ARID2: variants seen among roughly 807,000 people sequenced by gnomAD.
ARID2 encodes the protein AT-rich interactive domain-containing protein 2.
ARID2 carries 32 observed loss-of-function variants against 184.6 expected under a neutral mutation model. That is an observed-to-expected ratio of 0.17 (90% confidence interval 0.13 to 0.23). The LOEUF (loss-of-function observed/expected upper bound fraction) is 0.23, where lower values mean the gene tolerates loss of function less well. ARID2 is among the 10% of genes least tolerant of loss of function. The pLI, the probability that ARID2 is intolerant of heterozygous loss-of-function variation, is 1.00. For missense variants in ARID2, 1,696 were observed against 2,197.6 expected (o/e 0.77, Z 4.56); for synonymous variants, 836 against 772.6 (o/e 1.08, Z -1.36).
chr12:45,798,209 T>G (rs960939047), intron 3 of ARID2, among the ~76,000 whole-genome samples: 3 of 76,552 alleles, frequency 3.9e-5, no homozygotes, highest in East Asian at 4.2e-4. Context: ...TTTGAACGTG[T>G]TTTTTTTTTC....
At chr12:45,876,321 C>T (rs931207410) in intron 16 of ARID2, among the ~76,000 whole-genome samples, 4 of 151,512 alleles carry the variant, frequency 2.6e-5, no homozygotes, top group Non-Finnish European at 5.9e-5. Context: ...GAGGCCGAGG[C>T]GGGTGGATCA....
intron 5 of ARID2, among the ~76,000 whole-genome samples, chr12:45,820,492 A>G (rs1198216786): frequency 6.6e-6 from 1 of 152,214 alleles, no homozygotes; most frequent in Non-Finnish European, 1.5e-5. Context: ...ACGTCCAATA[A>G]GGAAGCTTAA....
chr12:45,875,868 G>C (rs1944001275), intron 16 of ARID2, among the ~76,000 whole-genome samples: 1 of 152,226 alleles, frequency 6.6e-6, no homozygotes, highest in Admixed American at 6.5e-5. Context: ...AGAATGTCTT[G>C]ACTGGTTTGA....
chr12:45,898,669 A>G (rs768608375), intron 20 of ARID2, among the ~76,000 whole-genome samples: 2 of 152,192 alleles, frequency 1.3e-5, no homozygotes, highest in African/African-American at 2.4e-5. Flanking sequence ...TAATCCCGGC[A>G]CTTTGGGAGG....
At chr12:45,834,182 A>T (rs978783788) in intron 6 of ARID2, among the ~76,000 whole-genome samples, 36 of 152,100 alleles carry the variant, frequency 2.4e-4, no homozygotes, top group Admixed American at 6.5e-5. Flanking sequence ...TTTTGGTAGG[A>T]TGACTACTCC....
chr12:45,791,204 CTG>C (rs143314237), intron 3 of ARID2, among the ~76,000 whole-genome samples: 41,913 of 146,988 alleles, frequency 0.29, 6,479 homozygotes, highest in African/African-American at 0.44. Context: ...AGCACATTTT[CTG>C]TGTGTGTGTG....
intron 15 of ARID2, among the ~76,000 whole-genome samples, chr12:45,856,896 C>G (rs1390108644): frequency 6.6e-6 from 1 of 152,102 alleles, no homozygotes; most frequent in Non-Finnish European, 1.5e-5. Context: ...GTAATACTTG[C>G]AAGTTGAAGC....
chr12:45,769,487 T>C (rs1318794581), intron 3 of ARID2, among the ~76,000 whole-genome samples: 1 of 152,152 alleles, frequency 6.6e-6, no homozygotes, highest in Admixed American at 6.5e-5. Context: ...CAACAGAGAT[T>C]ATGCAGTGTG....
chr12:45,777,151 A>G (rs1397627732), intron 3 of ARID2, among the ~76,000 whole-genome samples: 1 of 151,998 alleles, frequency 6.6e-6, no homozygotes, highest in East Asian at 1.9e-4. Context: ...AAAAATGGAA[A>G]TTAGGATGAT....
At chr12:45,806,608 G>A (rs536762033) in intron 3 of ARID2, among the ~76,000 whole-genome samples, 8 of 151,928 alleles carry the variant, frequency 5.3e-5, no homozygotes, top group African/African-American at 1.7e-4. Flanking sequence ...GTACATTACC[G>A]ATGTGATCTA....
chr12:45,797,700 G>A (rs570324681), intron 3 of ARID2, among the ~76,000 whole-genome samples: 1 of 151,828 alleles, frequency 6.6e-6, no homozygotes, highest in African/African-American at 2.4e-5. Context: ...AATTTGCTTA[G>A]TATGGCATGA....
intron 3 of ARID2, among the ~76,000 whole-genome samples, chr12:45,788,122 G>T (rs956126918): frequency 6.6e-6 from 1 of 152,052 alleles, no homozygotes; most frequent in African/African-American, 2.4e-5. Context: ...ACATTTAAAC[G>T]TAGAACTTTA....
At chr12:45,890,967 C>T (rs2138230352) in intron 16 of ARID2, among the ~76,000 whole-genome samples, 1 of 152,124 alleles carries the variant, frequency 6.6e-6, no homozygotes, top group African/African-American at 2.4e-5. Context: ...GAATTCGAGA[C>T]CAGCCTGGCC....
At chr12:45,894,256 G>A (rs1192992633) in intron 20 of ARID2, among the ~76,000 whole-genome samples, 3 of 152,186 alleles carry the variant, frequency 2.0e-5, no homozygotes, top group African/African-American at 4.8e-5. Context: ...AGCAAATATA[G>A]AATATTCTGT....
At position 45,821,506 on chromosome 12, in the gene ARID2, A is replaced by G. The variant is rs376927535; in HGVS notation, c.705+19A>G. On this transcript the variant is annotated intron_variant, in intron 6 of 20. Transcript: ENST00000334344. ...CGTTAAGGTAAATCATTTTAATTAA[A>G]ATGTTGATTCATTGAGTTACATGCA... is the stretch of plus-strand genomic sequence containing the variant. 1.0e-5 allele frequency: 15 copies of G among 1,452,136 alleles called. No homozygotes were observed. Among genetic ancestry groups the G allele is most frequent in the African/African-American group, 5.8e-5 (4 of 68,426 alleles). 90.0% of individuals were successfully genotyped at this position (1,452,136 alleles called of 1,614,324 possible).
At chr12:45,796,919 C>T (rs867565181) in intron 3 of ARID2, among the ~76,000 whole-genome samples, 3 of 152,118 alleles carry the variant, frequency 2.0e-5, no homozygotes, top group South Asian at 2.1e-4. Context: ...CCTTCAGAAC[C>T]GATATAACAC....
chr12:45,880,926 A>G (rs1435723488), intron 16 of ARID2: 2 of 200,824 alleles, frequency 1.0e-5, no homozygotes, highest in South Asian at 9.6e-5. Context: ...GGGGGACACA[A>G]CACTAGAGTT....
intron 12 of ARID2, among the ~76,000 whole-genome samples, chr12:45,847,896 T>C (rs1212556410): frequency 6.6e-6 from 1 of 152,082 alleles, no homozygotes; most frequent in East Asian, 1.9e-4. Context: ...TATTTGGAAA[T>C]GTTGTTTGTC....
chr12:45,789,007 A>G (rs1456821048), intron 3 of ARID2, among the ~76,000 whole-genome samples: 1 of 152,104 alleles, frequency 6.6e-6, no homozygotes, highest in Non-Finnish European at 1.5e-5. Context: ...TGATGTTCAG[A>G]CAAGCCTGAT....
Sources: gnomAD v4.1 joint callset for allele counts (sites outside exome capture counted in the v4.1 genomes callset) on GRCh38, gnomAD v4.1.1 for gene constraint, MANE v1.5 for transcripts, NCBI Gene and HGNC (gene_info 2026-07-23, HGNC 2026-07-21) for gene names.